Variants in BEST3 observed in about 807,000 individuals in gnomAD.
BEST3 encodes the protein bestrophin-3.
In BEST3, 50 loss-of-function variants were observed where a neutral mutation model predicts 47.1. That is an observed-to-expected ratio of 1.06 (90% confidence interval 0.85 to 1.34). The LOEUF (loss-of-function observed/expected upper bound fraction) is 1.34. BEST3 is among the 40% of genes most tolerant of loss of function. The pLI is 0.00. For synonymous variants in BEST3, 282 were observed against 298.8 expected, an observed-to-expected ratio of 0.94 and a Z score of 0.58; for missense variants, 765 against 817.0, an observed-to-expected ratio of 0.94 and a Z score of 0.78.
chr12:69,676,654 A>T (rs951742453), intron 7 of BEST3, among the ~76,000 whole-genome samples: 1 of 152,214 alleles, frequency 6.6e-6, no homozygotes, highest in African/African-American at 2.4e-5. Context: ...TATAATCCTA[A>T]TGGGAACACA....
intron 4 of BEST3, among the ~76,000 whole-genome samples, chr12:69,685,462 A>C (rs755526731): frequency 6.6e-6 from 1 of 152,220 alleles, no homozygotes; most frequent in African/African-American, 2.4e-5. Flanking sequence ...TCTGCTATAC[A>C]TTACAATGGT....
intron 9 of BEST3, among the ~76,000 whole-genome samples, chr12:69,656,324 G>C (rs1883491145): frequency 6.6e-6 from 1 of 151,924 alleles, no homozygotes; most frequent in Admixed American, 6.6e-5. Flanking sequence ...CCGATCTAGA[G>C]ACTTGGACAT....
intron 1 of BEST3, among the ~76,000 whole-genome samples, chr12:69,698,142 T>C (rs1377027015): frequency 6.6e-6 from 1 of 152,222 alleles, no homozygotes; most frequent in Admixed American, 6.5e-5. Flanking sequence ...GAGAATTTAA[T>C]TGATGGGGCA....
chr12:69,656,360 TATGA>T (rs2135913246), intron 9 of BEST3, among the ~76,000 whole-genome samples: 1 of 115,960 alleles, frequency 8.6e-6, no homozygotes, highest in African/African-American at 3.1e-5. Flanking sequence ...TATCTATATC[TATGA>T]ATCTATCTGT....
intron 4 of BEST3, among the ~76,000 whole-genome samples, chr12:69,683,075 T>G (rs1259578399): frequency 6.6e-6 from 1 of 152,232 alleles, no homozygotes; most frequent in Admixed American, 6.5e-5. Context: ...AAAGAATAAC[T>G]TTATCTCTGG....
downstream of BEST3, among the ~76,000 whole-genome samples, chr12:69,650,700 A>C (rs1468695505): frequency 6.6e-6 from 1 of 152,198 alleles, no homozygotes; most frequent in Non-Finnish European, 1.5e-5. Flanking sequence ...ATAGTGGAGA[A>C]AACAGAAGCA....
At chr12:69,685,207 A>G (rs1885507776) in intron 4 of BEST3, among the ~76,000 whole-genome samples, 1 of 152,182 alleles carries the variant, frequency 6.6e-6, no homozygotes, top group South Asian at 2.1e-4. Flanking sequence ...CTCCTCTATT[A>G]TATTGATATG....
chr12:69,693,620 G>A, intron 4 of BEST3, 54 bp downstream of exon 4: 1 of 1,343,420 alleles, frequency 7.4e-7, no homozygotes, highest in South Asian at 1.2e-5. Flanking sequence ...AGGAATTCTG[G>A]AGGTCCTGTC....
At chr12:69,647,905 G>A (rs1883089502) in intron 9 of BEST3, among the ~76,000 whole-genome samples, 1 of 152,118 alleles carries the variant, frequency 6.6e-6, no homozygotes, top group South Asian at 2.1e-4. Flanking sequence ...AAATCAACAA[G>A]AAAAGTACAG....
intron 9 of BEST3, chr12:69,660,984 A>C (rs1050568848): frequency 2.6e-5 from 4 of 152,226 alleles, no homozygotes; most frequent in Non-Finnish European, 5.9e-5. Context: ...GCCATGATTT[A>C]ATTAGAAACT....
At position 69,654,293 on chromosome 12, in the gene BEST3, A is replaced by C; in HGVS notation, c.*614T>G. ...AAAAGGATGACAGAATAAAAGGAAA[A>C]GAGAGAAAAGTAAAAAAGGAAATTG... On this transcript the variant is annotated 3_prime_UTR_variant, in exon 10 of 10. Coordinates refer to ENST00000330891, the MANE Select transcript of BEST3 (RefSeq NM_032735.3). 1 of 984,940 alleles carries C rather than the reference A, an allele frequency of 1.0e-6. No homozygotes were observed. The highest frequency in any genetic ancestry group is 1.2e-6 in the Non-Finnish European group (1 of 829,460). 61.0% of individuals were successfully genotyped at this position (984,940 alleles called of 1,614,324 possible).
chr12:69,646,833 T>G (rs1420702498), intron 9 of BEST3, among the ~76,000 whole-genome samples: 1 of 152,200 alleles, frequency 6.6e-6, no homozygotes, highest in Non-Finnish European at 1.5e-5. Context: ...TTGGTTGTGC[T>G]TTTCCTTTGG....
In BEST3 at chr12:69,653,951, A is replaced by G. The variant is rs1883303695; in HGVS notation, c.*956T>C. On this transcript the variant is annotated 3_prime_UTR_variant, in exon 10 of 10. Transcript: ENST00000330891. ...TGGTTCCATAGCATTTGGCTATGCA[A>G]ATTTCATATTCTCTTGGCTTCGTTT... 10 of 985,312 alleles carry G rather than the reference A, an allele frequency of 1.0e-5. No individual in the cohort carries two copies. Among genetic ancestry groups the G allele is most frequent in the Non-Finnish European group, 9.6e-6 (8 of 829,948 alleles). 61.0% of individuals were successfully genotyped at this position (985,312 alleles called of 1,614,324 possible). A position where few individuals can be genotyped will look rare whatever the true frequency, so the allele number is the denominator to read the frequency against.
chr12:69,662,939 T>G (rs753813541), intron 9 of BEST3, among the ~76,000 whole-genome samples: 2 of 152,230 alleles, frequency 1.3e-5, no homozygotes, highest in African/African-American at 2.4e-5. Flanking sequence ...GTGATCCATT[T>G]CATAAGCAGT....
chr12:69,645,826 C>T (rs1883013991), intron 9 of BEST3, among the ~76,000 whole-genome samples: 1 of 152,154 alleles, frequency 6.6e-6, no homozygotes, highest in African/African-American at 2.4e-5. Context: ...CCTCACTCTC[C>T]TTTTTCTTTC....
At chr12:69,696,030 G>C (rs554897073) in intron 2 of BEST3, among the ~76,000 whole-genome samples, 24 of 152,072 alleles carry the variant, frequency 1.6e-4, no homozygotes, top group South Asian at 6.2e-4. Flanking sequence ...ATTTTTGTTA[G>C]GAATAATTAT....
intron 7 of BEST3, among the ~76,000 whole-genome samples, chr12:69,674,167 G>A (rs763631236): frequency 6.6e-6 from 1 of 151,970 alleles, no homozygotes; most frequent in African/African-American, 2.4e-5. Flanking sequence ...TAAAATAAAG[G>A]CACCATGTGA....
intron 9 of BEST3, among the ~76,000 whole-genome samples, chr12:69,663,621 G>C (rs1884001811): frequency 1.3e-5 from 2 of 152,120 alleles, no homozygotes; most frequent in Admixed American, 6.5e-5. Flanking sequence ...TTGAGATCAG[G>C]AGTTCAAGAC....
At chr12:69,690,947 C>T (rs1403165261) in intron 4 of BEST3, among the ~76,000 whole-genome samples, 2 of 152,098 alleles carry the variant, frequency 1.3e-5, no homozygotes, top group African/African-American at 4.8e-5. Context: ...GCCAGGCCTT[C>T]AGACCCTCCC....
Sources: allele counts gnomAD v4.1 joint callset (sites outside exome capture counted in the v4.1 genomes callset), GRCh38; gene constraint gnomAD v4.1.1; transcripts MANE v1.5; gene names NCBI Gene and HGNC (gene_info 2026-07-23, HGNC 2026-07-21).